POLN: variants seen among roughly 807,000 people sequenced by gnomAD.
POLN encodes the protein DNA polymerase nu.
A neutral mutation model predicts 113.5 loss-of-function variants in POLN; 108 were observed. The observed-to-expected ratio is 0.95, with a 90% CI of 0.81 to 1.12. The LOEUF (loss-of-function observed/expected upper bound fraction) is 1.12. Among genes scored for constraint, POLN ranks in the 50% most tolerant of loss-of-function variants. The pLI is 0.00. For synonymous variants in POLN, 386 were observed against 391.5 expected (o/e 0.99, Z 0.17); for missense variants, 1,097 against 1,077.1 (o/e 1.02, Z -0.26).
intron 15 of POLN, 138 bp from the exon 16 acceptor site, chr4:2,156,991 C>A: frequency 1.4e-6 from 1 of 693,296 alleles, no homozygotes; most frequent in South Asian, 1.7e-5. Flanking sequence ...AAACTTCCAA[C>A]CCTGAAATGT....
chr4:2,215,974 G>A (rs905260287), intron 3 of POLN, among the ~76,000 whole-genome samples: 3 of 152,176 alleles, frequency 2.0e-5, no homozygotes, highest in Non-Finnish European at 2.9e-5. Context: ...TGAGAGGTAA[G>A]CCCCTGGCCA....
intron 19 of POLN, among the ~76,000 whole-genome samples, chr4:2,108,740 G>A (rs1351298583): frequency 6.6e-6 from 1 of 152,012 alleles, no homozygotes; most frequent in African/African-American, 2.4e-5. Context: ...CTGGAACTTG[G>A]CTGCAGCTAA....
At chr4:2,192,127 A>C (rs1733466002) in intron 7 of POLN, among the ~76,000 whole-genome samples, 1 of 151,840 alleles carries the variant, frequency 6.6e-6, no homozygotes, top group African/African-American at 2.4e-5. Flanking sequence ...AAAAAAAAAA[A>C]AAAAAAAATT....
chr4:2,174,584 T>C (rs965472947), intron 10 of POLN, 107 bp downstream of exon 10: 2 of 917,404 alleles, frequency 2.2e-6, no homozygotes, highest in Admixed American at 4.4e-5. Flanking sequence ...CTGGTGCCCA[T>C]GAGATATACT....
intron 3 of POLN, chr4:2,228,707 T>G (rs558267095): frequency 1.5e-4 from 26 of 173,396 alleles, no homozygotes; most frequent in Non-Finnish European, 2.6e-4. Context: ...CACCTAAGAG[T>G]TTACATTTCT....
chr4:2,124,296 C>T (rs575533367), intron 19 of POLN, among the ~76,000 whole-genome samples: 2 of 152,224 alleles, frequency 1.3e-5, no homozygotes, highest in East Asian at 1.9e-4. Flanking sequence ...TTTTGAGAGA[C>T]AGGTTCTTGC....
chr4:2,174,346 G>T (rs978271600), intron 10 of POLN, among the ~76,000 whole-genome samples: 1 of 152,222 alleles, frequency 6.6e-6, no homozygotes, highest in African/African-American at 2.4e-5. Flanking sequence ...AGAGAGCCCT[G>T]CATCAGTTCT....
chr4:2,195,479 G>A (rs978262290), intron 6 of POLN, among the ~76,000 whole-genome samples: 6 of 150,182 alleles, frequency 4.0e-5, no homozygotes, highest in Admixed American at 3.3e-4. Context: ...TTTTAGCTTG[G>A]TAATTCTTTT....
rs143143974 is a variant in POLN at position 2,081,632 on chromosome 4, C to A, written c.2308+1G>T. On this transcript the variant is annotated splice_donor_variant, in intron 22 of 25. Transcript: ENST00000511885. LOFTEE classifies it high-confidence loss of function. ...AACTACAGGTAAGAGGCTTCTGGTA[C>A]CTTGCACCACGAAGTTCACTGCCTG... 6.2e-7 allele frequency: 1 copy of A among 1,614,148 alleles called. No homozygotes were observed. The highest frequency in any genetic ancestry group is 8.5e-7 in the Non-Finnish European group (1 of 1,179,956).
chr4:2,209,528 T>C (rs1733937502), intron 4 of POLN, among the ~76,000 whole-genome samples: 2 of 151,302 alleles, frequency 1.3e-5, no homozygotes, highest in Admixed American at 1.3e-4. Context: ...AGCAGTTCTC[T>C]CATTCCATCA....
chr4:2,127,881 C>T lies in POLN; in HGVS notation c.1982+232G>A, dbSNP rs1194417521. Among the ~76,000 whole-genome samples the T allele has an allele frequency of 1.3e-5, 2 of 152,252 alleles. No individual in the cohort carries two copies. The highest frequency in any genetic ancestry group is 4.8e-5 in the African/African-American group (2 of 41,476). The stretch of plus-strand genomic sequence containing the variant: ...GCTGGTTATTTTATCATTTCTATTA[C>T]ATTCTCTAGGAATGGACTTCTTTTT... On this transcript the variant is annotated intron_variant, in intron 19 of 25. Coordinates refer to ENST00000511885, the MANE Select transcript of POLN (RefSeq NM_181808.4). The surrounding 1 kb of genome is among the most constrained non-coding windows in gnomAD (Gnocchi z 4.7).
chr4:2,236,738 C>A (rs1734781670), intron 2 of POLN, among the ~76,000 whole-genome samples: 1 of 151,858 alleles, frequency 6.6e-6, no homozygotes, highest in Non-Finnish European at 1.5e-5. Flanking sequence ...CGGCATGCAC[C>A]TATAGTCCCA....
At chr4:2,222,704 TTTTTTTTTA>T (rs1321127060) in intron 3 of POLN, among the ~76,000 whole-genome samples, 39 of 147,890 alleles carry the variant, frequency 2.6e-4, no homozygotes, top group African/African-American at 9.9e-4. Context: ...CCTTTTTTTT[TTTTTTTTTA>T]TTTTTCCACA....
intron 16 of POLN, among the ~76,000 whole-genome samples, chr4:2,145,397 T>C (rs1368663302): frequency 6.6e-6 from 1 of 151,862 alleles, no homozygotes; most frequent in Non-Finnish European, 1.5e-5. Flanking sequence ...GAGAAGATAA[T>C]TATATAAGGG....
intron 19 of POLN, among the ~76,000 whole-genome samples, chr4:2,099,020 G>A (rs408850): frequency 0.84 from 127,959 of 152,248 alleles, 54,358 homozygotes; most frequent in Non-Finnish European, 0.9. Flanking sequence ...CAATTTAAGC[G>A]AGAAAACAAA....
chr4:2,163,527 C>A (rs1732654127), intron 13 of POLN, among the ~76,000 whole-genome samples: 2 of 152,266 alleles, frequency 1.3e-5, no homozygotes, highest in Non-Finnish European at 2.9e-5. Flanking sequence ...GCTGCAGACA[C>A]CACATTCGTC....
At chr4:2,094,037 G>C (rs543786189) in intron 20 of POLN, among the ~76,000 whole-genome samples, 1 of 152,106 alleles carries the variant, frequency 6.6e-6, no homozygotes, top group African/African-American at 2.4e-5. Context: ...GACCACCTCC[G>C]GCTGACAGCC....
chr4:2,078,397 G>A (rs1730325900), intron 23 of POLN: 2 of 175,018 alleles, frequency 1.1e-5, no homozygotes, highest in South Asian at 3.8e-4. Context: ...GGGACTGTGG[G>A]TGGTGAATGC....
At position 2,131,235 on chromosome 4, in the gene POLN, T is replaced by C. The variant is rs1266647694; in HGVS notation, c.1787A>G (p.Lys596Arg). 6.3e-7 allele frequency: 1 copy of C among 1,582,810 alleles called. No homozygotes were observed. The highest frequency in any genetic ancestry group is 1.7e-4 in the Middle Eastern group (1 of 5,976). Residue 596 changes from lysine to arginine, a missense_variant and splice_region_variant, in exon 17 of 26, where the codon AAA becomes AGA. Physicochemically the swap from Lys to Arg is conservative, Grantham distance 26. Coordinates refer to ENST00000511885, the MANE Select transcript of POLN (RefSeq NM_181808.4). ...CAAGGTAGTAAGAAATGAGTTACCT[T>C]TAAAATTCTTAGGTGTAGTAATCTG... is the stretch of plus-strand genomic sequence containing the variant. Reference protein sequence around the residue: ...PIQITTPKNFKGKEDKILTIS... With the variant: ...PIQITTPKNFRGKEDKILTIS...
Sources: allele counts gnomAD v4.1 joint callset (sites outside exome capture counted in the v4.1 genomes callset), GRCh38; gene constraint gnomAD v4.1.1; non-coding constraint Gnocchi (gnomAD v3.1); transcripts MANE v1.5; gene names NCBI Gene and HGNC (gene_info 2026-07-23, HGNC 2026-07-21).